STK39: variants seen among roughly 807,000 people sequenced by gnomAD.
The protein encoded by STK39 is serine/threonine kinase 39.
In STK39, 20 loss-of-function variants were observed where a neutral mutation model predicts 77.8. The ratio of observed to expected loss-of-function variants is 0.26; its 90% CI spans 0.18 to 0.37. STK39 has a LOEUF of 0.37. STK39 is among the 10% of genes least tolerant of loss of function. The pLI, the probability that STK39 is intolerant of heterozygous loss-of-function variation, is 1.00. For missense variants in STK39, 479 were observed against 656.5 expected (o/e 0.73, Z 2.95); for synonymous variants, 246 against 234.1 (o/e 1.05, Z -0.47).
At chr2:168,080,440 T>G (rs1686198232) in intron 10 of STK39, among the ~76,000 whole-genome samples, 1 of 151,980 alleles carries the variant, frequency 6.6e-6, no homozygotes, top group Admixed American at 6.6e-5. Flanking sequence ...CCATCCTGGC[T>G]AACACAGTGA....
chr2:168,032,761 A>G (rs1181855820), intron 14 of STK39, among the ~76,000 whole-genome samples: 1 of 152,238 alleles, frequency 6.6e-6, no homozygotes, highest in African/African-American at 2.4e-5. Context: ...TGCCCCTGCG[A>G]CTGGAGAGAG....
intron 17 of STK39, among the ~76,000 whole-genome samples, chr2:167,962,213 A>T (rs765351728): frequency 4.2e-4 from 64 of 152,342 alleles, no homozygotes; most frequent in Non-Finnish European, 7.8e-4. Context: ...CATGCGCAGC[A>T]GCAGCTTACG....
intron 1 of STK39, among the ~76,000 whole-genome samples, chr2:168,246,594 G>A (rs1264901531): frequency 6.6e-6 from 1 of 152,222 alleles, no homozygotes; most frequent in African/African-American, 2.4e-5. Flanking sequence ...GGGTACCCGG[G>A]CGCGCCGAGT....
chr2:168,178,579 T>C (rs1478889861), intron 2 of STK39, among the ~76,000 whole-genome samples: 2 of 152,178 alleles, frequency 1.3e-5, no homozygotes, highest in Non-Finnish European at 2.9e-5. Flanking sequence ...ATTTACCAAA[T>C]AAATAAATAA....
At chr2:167,971,948 T>C (rs1574355674) in intron 16 of STK39, among the ~76,000 whole-genome samples, 1 of 152,368 alleles carries the variant, frequency 6.6e-6, no homozygotes, top group East Asian at 1.9e-4. Context: ...TCATGTATTT[T>C]ACTCTGGCCA....
At chr2:168,144,936 A>G (rs1688095229) in intron 5 of STK39, among the ~76,000 whole-genome samples, 1 of 151,502 alleles carries the variant, frequency 6.6e-6, no homozygotes, top group Non-Finnish European at 1.5e-5. Context: ...AGCCATGATC[A>G]TGCCACTGCA....
At chr2:168,154,151 C>T (rs913598315) in intron 5 of STK39, among the ~76,000 whole-genome samples, 8 of 152,102 alleles carry the variant, frequency 5.3e-5, no homozygotes, top group East Asian at 1.9e-4. Context: ...TCCAAGAGAA[C>T]GACAAGGATC....
intron 16 of STK39, among the ~76,000 whole-genome samples, chr2:167,968,473 C>A (rs1692223909): frequency 6.6e-6 from 1 of 152,236 alleles, no homozygotes; most frequent in African/African-American, 2.4e-5. Flanking sequence ...GCTTATTTCA[C>A]AACAACCCCA....
chr2:168,245,774 G>A (rs1690881889), intron 1 of STK39, among the ~76,000 whole-genome samples: 1 of 152,192 alleles, frequency 6.6e-6, no homozygotes, highest in South Asian at 2.1e-4. Context: ...CAGGCTTTGA[G>A]AAGCCCCTGA....
chr2:168,012,057 T>A (rs966670974), intron 16 of STK39, among the ~76,000 whole-genome samples: 2 of 152,204 alleles, frequency 1.3e-5, no homozygotes, highest in Non-Finnish European at 2.9e-5. Context: ...TTTTGTTACA[T>A]CATGGACTTT....
intron 17 of STK39, among the ~76,000 whole-genome samples, chr2:167,963,159 T>A (rs1223338965): frequency 6.6e-6 from 1 of 152,048 alleles, no homozygotes; most frequent in African/African-American, 2.4e-5. Flanking sequence ...GATGAGAGAA[T>A]CCTGCTTGGG....
intron 1 of STK39, among the ~76,000 whole-genome samples, chr2:168,229,577 G>A (rs1178660674): frequency 6.6e-6 from 1 of 152,102 alleles, no homozygotes; most frequent in Non-Finnish European, 1.5e-5. Flanking sequence ...GAAAAACTGT[G>A]AAACGGGGAA....
intron 10 of STK39, among the ~76,000 whole-genome samples, chr2:168,079,895 T>G (rs954722340): frequency 1.3e-5 from 2 of 152,174 alleles, no homozygotes; most frequent in Non-Finnish European, 2.9e-5. Context: ...GCCCCATTTT[T>G]CAGAGGTAAA....
chr2:168,150,466 A>G (rs950439214), intron 5 of STK39, among the ~76,000 whole-genome samples: 3 of 152,152 alleles, frequency 2.0e-5, no homozygotes, highest in Non-Finnish European at 4.4e-5. Context: ...TGTTAAGTGC[A>G]TGAAAATAAT....
At chr2:168,170,784 G>A (rs1211103679) in intron 2 of STK39, among the ~76,000 whole-genome samples, 3 of 152,164 alleles carry the variant, frequency 2.0e-5, no homozygotes, top group Non-Finnish European at 2.9e-5. Flanking sequence ...AGTCTAACTG[G>A]AGGAGAGTCT....
intron 10 of STK39, among the ~76,000 whole-genome samples, chr2:168,100,171 C>T (rs560928592): frequency 4.5e-4 from 69 of 152,252 alleles, no homozygotes; most frequent in African/African-American, 1.7e-3. Flanking sequence ...TTATATTGCA[C>T]TCACAATTGG....
chr2:168,046,362 C>T (rs1170423538), intron 14 of STK39, among the ~76,000 whole-genome samples: 2 of 152,134 alleles, frequency 1.3e-5, no homozygotes, highest in Non-Finnish European at 2.9e-5. Flanking sequence ...GAGACTCCTT[C>T]ATCTCAAAAA....
At chr2:168,127,312 A>G (rs1687568615) in intron 10 of STK39, among the ~76,000 whole-genome samples, 1 of 151,946 alleles carries the variant, frequency 6.6e-6, no homozygotes, top group South Asian at 2.1e-4. Context: ...CACCACGCCC[A>G]GCTAATTTTT....
intron 10 of STK39, among the ~76,000 whole-genome samples, chr2:168,120,622 A>G (rs112688566): frequency 2.2e-4 from 33 of 152,352 alleles, no homozygotes; most frequent in Non-Finnish European, 2.8e-4. Context: ...TGTTACAAAA[A>G]CAATCTGGAC....
Sources: allele counts gnomAD v4.1 joint callset (sites outside exome capture counted in the v4.1 genomes callset), GRCh38; gene constraint gnomAD v4.1.1; transcripts MANE v1.5; gene names NCBI Gene and HGNC (gene_info 2026-07-23, HGNC 2026-07-21).